ERCC6L2: variants seen among roughly 807,000 people sequenced by gnomAD.
ERCC6L2 encodes ERCC excision repair 6 like 2, also known as DNA excision repair protein ERCC-6-like 2.
ERCC6L2 carries 77 observed loss-of-function variants against 132.0 expected under a neutral mutation model. The observed-to-expected ratio is 0.58, with a 90% CI of 0.49 to 0.71. ERCC6L2 has a LOEUF of 0.71. Among genes scored for constraint, ERCC6L2 ranks in the 30% least tolerant of loss-of-function variants. The pLI is 0.00. For synonymous variants in ERCC6L2, 583 were observed against 632.4 expected, an observed-to-expected ratio of 0.92 and a Z score of 1.17; for missense variants, 1,542 against 1,837.6, an observed-to-expected ratio of 0.84 and a Z score of 2.94.
chr9:95,960,504 A>G (rs905629471), intron 13 of ERCC6L2, among the ~76,000 whole-genome samples: 2 of 152,164 alleles, frequency 1.3e-5, no homozygotes, highest in Non-Finnish European at 1.5e-5. Flanking sequence ...CTAGAGGACA[A>G]TTTGACACAG....
chr9:95,987,379 A>G (rs1251528437), intron 17 of ERCC6L2, among the ~76,000 whole-genome samples: 1 of 152,250 alleles, frequency 6.6e-6, no homozygotes, highest in African/African-American at 2.4e-5. Context: ...CTTTCTAGAT[A>G]CAATGGACGT....
intron 6 of ERCC6L2, among the ~76,000 whole-genome samples, chr9:95,919,513 A>C (rs569789040): frequency 2.0e-5 from 3 of 152,036 alleles, no homozygotes; most frequent in Admixed American, 6.6e-5. Flanking sequence ...CAAACACAAC[A>C]TGTCTAATTC....
At chr9:96,026,648 C>CTA (rs1834369261) in intron 19 of ERCC6L2, among the ~76,000 whole-genome samples, 2 of 142,124 alleles carry the variant, frequency 1.4e-5, no homozygotes, top group Non-Finnish European at 1.6e-5. Flanking sequence ...CACAAACACA[C>CTA]CACACACAAA....
At chr9:95,998,882 C>T (rs1330023351) in intron 17 of ERCC6L2, among the ~76,000 whole-genome samples, 1 of 152,182 alleles carries the variant, frequency 6.6e-6, no homozygotes, top group Non-Finnish European at 1.5e-5. Flanking sequence ...TACATGTAAC[C>T]TTTAGAGCTT....
chr9:95,932,151 G>A (rs1290852667), intron 11 of ERCC6L2, among the ~76,000 whole-genome samples: 2 of 150,564 alleles, frequency 1.3e-5, no homozygotes, highest in African/African-American at 4.9e-5. Flanking sequence ...TGCAACCTCC[G>A]CCTCCCGGAT....
chr9:96,038,884 G>T (rs1192534750), exon 20 of ERCC6L2: 1 of 456,306 alleles, frequency 2.2e-6, no homozygotes, highest in Non-Finnish European at 4.4e-6. Context: ...AGGTCACAAA[G>T]CTCCTTCTCA....
At chr9:95,962,748 T>G (rs1263901408) in intron 13 of ERCC6L2, among the ~76,000 whole-genome samples, 2 of 152,200 alleles carry the variant, frequency 1.3e-5, no homozygotes, top group African/African-American at 4.8e-5. Context: ...GTATGAAGTA[T>G]GTTCCTCTAC....
At chr9:95,889,424 A>C (rs1027050474) in intron 2 of ERCC6L2, among the ~76,000 whole-genome samples, 7 of 152,178 alleles carry the variant, frequency 4.6e-5, no homozygotes, top group African/African-American at 1.7e-4. Context: ...GTAGCCTTTG[A>C]GGACCAGTTG....
At chr9:95,891,957 T>C (rs777227619) in intron 2 of ERCC6L2, among the ~76,000 whole-genome samples, 12 of 152,190 alleles carry the variant, frequency 7.9e-5, no homozygotes, top group African/African-American at 2.7e-4. Context: ...TCATCAGATA[T>C]ATGATTTGCA....
intron 1 of ERCC6L2, among the ~76,000 whole-genome samples, chr9:95,877,618 C>G (rs1827348958): frequency 6.6e-6 from 1 of 151,816 alleles, no homozygotes; most frequent in Non-Finnish European, 1.5e-5. Flanking sequence ...CCAGCCTGGA[C>G]AACATAAGCG....
In ERCC6L2 at chr9:95,972,389, G is replaced by T; in HGVS notation, c.2638G>T (p.Glu880Ter). 1 of 1,270,358 alleles carries T rather than the reference G, an allele frequency of 7.9e-7. No individual in the cohort carries two copies. The highest frequency in any genetic ancestry group is 1.0e-6 in the Non-Finnish European group (1 of 982,576). 78.7% of individuals were successfully genotyped at this position (1,270,358 alleles called of 1,614,324 possible). ...LEQNISSKSD[E>*]KKIKNTDKHC... ...ACAGAATATTTCTTCCAAGTCTGAC[G>T]AGAAAAAAATTAAAAATACAGATAA... The change falls in exon 16 of 19, where the codon GAG becomes TAG. Residue 880 changes from glutamate (E) to a stop codon, truncating the protein, a stop_gained. Coordinates refer to ENST00000653738, the MANE Select transcript of ERCC6L2 (RefSeq NM_020207.7). LOFTEE classifies it high-confidence loss of function.
Position 96,012,916 on chromosome 9 carries a change from C to G in ERCC6L2, c.4366C>G (p.Pro1456Ala), listed in dbSNP as rs375024642. 3.0e-5 allele frequency: 41 copies of G among 1,367,442 alleles called. No individual in the cohort carries two copies. The East Asian group carries it at 1.2e-3, about 39-fold the overall frequency. The allele number at this position is 1,367,442 out of a possible 1,614,324, so 84.7% of individuals were successfully genotyped here. The change falls in exon 19 of 19, where the codon CCC becomes GCC. Residue 1456 changes from proline to alanine, a missense_variant. Pro to Ala is a conservative substitution (Grantham distance 27). Transcript: ENST00000653738. ...DDLFKSHGNS[P>A]TQLPKKVLSG... The stretch of plus-strand genomic sequence containing the variant: ...CCTTTTTAAAAGTCATGGGAACAGT[C>G]CCACACAACTGCCAAAGAAAGTTCT...
intron 9 of ERCC6L2, 33 bp downstream of exon 9, chr9:95,923,412 A>G (rs1829964563): frequency 6.2e-7 from 1 of 1,608,056 alleles, no homozygotes; most frequent in Non-Finnish European, 8.5e-7. Context: ...GCATACAGAC[A>G]TGATACACAA....
chr9:95,907,836 C>CACACACAA (rs1829128968), intron 4 of ERCC6L2, among the ~76,000 whole-genome samples: 1 of 81,122 alleles, frequency 1.2e-5, no homozygotes, highest in Non-Finnish European at 3.0e-5. Context: ...TACACACACA[C>CACACACAA]ACACACACAC....
chr9:95,910,471 G>T (rs1269161955), intron 4 of ERCC6L2, among the ~76,000 whole-genome samples: 1 of 152,136 alleles, frequency 6.6e-6, no homozygotes, highest in Non-Finnish European at 1.5e-5. Context: ...TTCACCAGTT[G>T]ATGGACATTT....
chr9:95,894,584 C>CTTTT lies in ERCC6L2; in HGVS notation c.472-3241_472-3238dup, dbSNP rs1218474585. On this transcript the variant is annotated intron_variant, in intron 2 of 18. Coordinates refer to ENST00000653738, the MANE Select transcript of ERCC6L2 (RefSeq NM_020207.7). ...CTTCTGTGGCCTGGCATATGTCAGC[C>CTTTT]TTTTTTTTTTTTTTTTTTTTTTTTT... Among the ~76,000 whole-genome samples, 9 of 83,498 alleles carry CTTTT rather than the reference C, an allele frequency of 1.1e-4. 1 individual carries two copies. The highest frequency in any genetic ancestry group is 4.2e-4 in the African/African-American group (7 of 16,692). The allele number at this position is 83,498 out of a possible 152,430, so 54.8% of individuals were successfully genotyped here.
At chr9:95,963,790 G>C (rs1229313870) in intron 13 of ERCC6L2, among the ~76,000 whole-genome samples, 9 of 151,960 alleles carry the variant, frequency 5.9e-5, no homozygotes, top group Non-Finnish European at 1.0e-4. Flanking sequence ...CTTCAGTCTA[G>C]GTCCATTTGA....
intron 17 of ERCC6L2, among the ~76,000 whole-genome samples, chr9:95,990,059 C>A (rs1049662779): frequency 2.0e-5 from 3 of 152,122 alleles, no homozygotes; most frequent in African/African-American, 7.2e-5. Flanking sequence ...TCATGAAGGG[C>A]CTTTCATTTA....
At chr9:95,937,098 T>C (rs954728551) in intron 11 of ERCC6L2, among the ~76,000 whole-genome samples, 3 of 152,234 alleles carry the variant, frequency 2.0e-5, no homozygotes, top group Non-Finnish European at 2.9e-5. Context: ...GTACAGACTT[T>C]TGTTTGAACA....
Sources: allele counts gnomAD v4.1 joint callset (sites outside exome capture counted in the v4.1 genomes callset), GRCh38; gene constraint gnomAD v4.1.1; transcripts MANE v1.5; gene names NCBI Gene and HGNC (gene_info 2026-07-23, HGNC 2026-07-21).